Variants in GSTCD observed in about 807,000 individuals in gnomAD.
GSTCD encodes the protein glutathione S-transferase C-terminal domain containing.
In GSTCD, 44 loss-of-function variants were observed where a neutral mutation model predicts 68.3. That is an observed-to-expected ratio of 0.64 (90% confidence interval 0.51 to 0.83). GSTCD has a LOEUF of 0.83. Ranked by LOEUF, GSTCD falls within the 40% of genes least tolerant of loss-of-function variation. The pLI, the probability that GSTCD is intolerant of heterozygous loss-of-function variation, is 0.00. For synonymous variants in GSTCD, 273 were observed against 255.2 expected (o/e 1.07, Z -0.67); for missense variants, 739 against 735.9 (o/e 1.00, Z -0.05).
At chr4:105,770,494 G>T (rs1294021837) in intron 5 of GSTCD, among the ~76,000 whole-genome samples, 1 of 151,798 alleles carries the variant, frequency 6.6e-6, no homozygotes, top group Non-Finnish European at 1.5e-5. Context: ...CCTACATTAG[G>T]TATTTCTCCT....
At chr4:105,832,421 G>A (rs1723934892) in intron 8 of GSTCD, among the ~76,000 whole-genome samples, 1 of 152,144 alleles carries the variant, frequency 6.6e-6, no homozygotes, top group Non-Finnish European at 1.5e-5. Context: ...AGTTATTCAA[G>A]TTACTTATTT....
chr4:105,743,381 A>C (rs1259752872), intron 5 of GSTCD, among the ~76,000 whole-genome samples: 1 of 152,058 alleles, frequency 6.6e-6, no homozygotes, highest in Non-Finnish European at 1.5e-5. Context: ...CTAGATACTC[A>C]ATTATTTTTT....
chr4:105,776,554 C>T (rs955258042), intron 5 of GSTCD, among the ~76,000 whole-genome samples: 6 of 152,276 alleles, frequency 3.9e-5, no homozygotes, highest in South Asian at 2.1e-4. Context: ...CCTTTCCTCA[C>T]GGCACAGTTC....
intron 5 of GSTCD, among the ~76,000 whole-genome samples, chr4:105,790,842 T>A (rs988722925): frequency 2.6e-4 from 39 of 152,040 alleles, no homozygotes; most frequent in African/African-American, 8.9e-4. Flanking sequence ...TTTTTAAAAA[T>A]TTTATGTTTT....
chr4:105,766,595 C>G (rs143671271), intron 5 of GSTCD, among the ~76,000 whole-genome samples: 2 of 152,030 alleles, frequency 1.3e-5, no homozygotes, highest in Non-Finnish European at 2.9e-5. Flanking sequence ...ATAATACCCA[C>G]GTAAAAATTC....
At chr4:105,802,168 GTT>G (rs1736129848) in intron 5 of GSTCD, among the ~76,000 whole-genome samples, 1 of 152,052 alleles carries the variant, frequency 6.6e-6, no homozygotes, top group South Asian at 2.1e-4. Context: ...TCATGATATT[GTT>G]TGTTTGGTTT....
chr4:105,717,373 G>C (rs1732712071), intron 1 of GSTCD, among the ~76,000 whole-genome samples: 1 of 152,152 alleles, frequency 6.6e-6, no homozygotes, highest in Non-Finnish European at 1.5e-5. Context: ...TTTTAAAGGA[G>C]CTGGGTGTAA....
At chr4:105,832,814 T>C (rs987847496) in intron 8 of GSTCD, among the ~76,000 whole-genome samples, 1 of 152,198 alleles carries the variant, frequency 6.6e-6, no homozygotes, top group African/African-American at 2.4e-5. Context: ...TCTATAATTT[T>C]TACTATGAAA....
intron 3 of GSTCD, 32 bp downstream of exon 3, chr4:105,719,559 A>G (rs369398301): frequency 1.4e-5 from 21 of 1,497,964 alleles, no homozygotes; most frequent in South Asian, 8.0e-5. Context: ...ACACATTACT[A>G]TGAGTTTCAG....
chr4:105,775,820 C>T lies in GSTCD; in HGVS notation c.1240+46321C>T, dbSNP rs371669290. Among the ~76,000 whole-genome samples the T allele has an allele frequency of 5.3e-5, 8 of 152,294 alleles. No homozygotes were observed. The East Asian group carries it at 9.7e-4, about 18-fold the overall frequency. The stretch of plus-strand genomic sequence containing the variant: ...GGAGGTGTCTCCCAGTCAGGAGGCA[C>T]GGTGGTCAGGGACCCACTTGAGAAG... On this transcript the variant is annotated intron_variant, in intron 5 of 11. Transcript: ENST00000515279.
chr4:105,808,340 T>C (rs984178000), intron 5 of GSTCD, among the ~76,000 whole-genome samples: 2 of 152,126 alleles, frequency 1.3e-5, no homozygotes, highest in Admixed American at 1.3e-4. Flanking sequence ...TCTAGAGTTA[T>C]CCCTGTCTCT....
At chr4:105,776,416 C>T (rs1001758555) in intron 5 of GSTCD, among the ~76,000 whole-genome samples, 9 of 152,182 alleles carry the variant, frequency 5.9e-5, no homozygotes, top group African/African-American at 2.2e-4. Context: ...AGCTCTGTGT[C>T]TACCCAAACA....
chr4:105,803,550 GAAAC>G (rs1376682394), intron 5 of GSTCD, among the ~76,000 whole-genome samples: 17 of 152,050 alleles, frequency 1.1e-4, no homozygotes, highest in Admixed American at 5.9e-4. Context: ...AGAAGGCTAG[GAAAC>G]ATGTAACTGA....
intron 5 of GSTCD, among the ~76,000 whole-genome samples, chr4:105,805,049 A>G (rs1054851291): frequency 1.3e-5 from 2 of 151,992 alleles, no homozygotes; most frequent in Non-Finnish European, 2.9e-5. Context: ...ATTTATTTTT[A>G]TTTAGATTAC....
At chr4:105,787,829 T>C (rs1201926621) in intron 5 of GSTCD, among the ~76,000 whole-genome samples, 1 of 152,094 alleles carries the variant, frequency 6.6e-6, no homozygotes, top group African/African-American at 2.4e-5. Context: ...TTCAAGAATA[T>C]AGAAATTATG....
At chr4:105,797,760 C>CTTTTTTTTT (rs70941218) in intron 5 of GSTCD, among the ~76,000 whole-genome samples, 29 of 84,952 alleles carry the variant, frequency 3.4e-4, no homozygotes, top group African/African-American at 1.0e-3. Flanking sequence ...CACAATAGAA[C>CTTTTTTTTT]TTTTTTTTTT....
intron 5 of GSTCD, among the ~76,000 whole-genome samples, chr4:105,803,747 C>T (rs1736195159): frequency 1.3e-5 from 2 of 150,774 alleles, no homozygotes; most frequent in Admixed American, 1.3e-4. Context: ...AACTTGAAAA[C>T]ATAATGTTGT....
At chr4:105,733,410 T>G (rs1733329132) in intron 5 of GSTCD, among the ~76,000 whole-genome samples, 1 of 152,240 alleles carries the variant, frequency 6.6e-6, no homozygotes, top group South Asian at 2.1e-4. Flanking sequence ...AGTTAGCTCT[T>G]CTTGTTGAAT....
At chr4:105,800,387 A>T (rs966463114) in intron 5 of GSTCD, among the ~76,000 whole-genome samples, 1 of 152,138 alleles carries the variant, frequency 6.6e-6, no homozygotes, top group African/African-American at 2.4e-5. Flanking sequence ...GAATTGTGGG[A>T]GTTATAATTC....
Sources: allele counts gnomAD v4.1 joint callset (sites outside exome capture counted in the v4.1 genomes callset), GRCh38; gene constraint gnomAD v4.1.1; transcripts MANE v1.5; gene names NCBI Gene and HGNC (gene_info 2026-07-23, HGNC 2026-07-21).